The following WNK2 variants were observed in gnomAD, a reference collection of about 807,000 sequenced individuals.
WNK2 encodes the protein WNK lysine deficient protein kinase 2, also known as serine/threonine-protein kinase WNK2.
WNK2 carries 67 observed loss-of-function variants against 192.1 expected under a neutral mutation model. The observed-to-expected ratio is 0.35, with a 90% CI of 0.29 to 0.43. WNK2 has a LOEUF of 0.43. Among genes scored for constraint, WNK2 ranks in the 20% least tolerant of loss-of-function variants. The probability of loss-of-function intolerance (pLI) is 1.00; values close to 1 mark genes in which losing one functional copy is unlikely to be tolerated. For synonymous variants in WNK2, 1,439 were observed against 1,393.9 expected (o/e 1.03, Z -0.72); for missense variants, 2,698 against 3,089.7 (o/e 0.87, Z 3.01).
At chr9:93,273,601 G>T (rs909540271) in intron 19 of WNK2, among the ~76,000 whole-genome samples, 1 of 152,158 alleles carries the variant, frequency 6.6e-6, no homozygotes, top group Admixed American at 6.5e-5. Flanking sequence ...CAACACTCTC[G>T]ATAGATAGAA....
intron 29 of WNK2, chr9:93,317,864 C>T (rs1855010360): frequency 6.4e-7 from 1 of 1,556,116 alleles, no homozygotes; most frequent in East Asian, 2.3e-5. Context: ...CTGCCCTGTC[C>T]CTTGCCAGAT....
rs758962908 is a variant in WNK2, at chr9:93,320,412, C to G, written c.*20C>G. 1.7e-5 allele frequency: 23 copies of G among 1,367,680 alleles called. No homozygotes were observed. In the South Asian group the frequency reaches 2.6e-4, roughly 16 times the overall value. The allele number at this position is 1,367,680 out of a possible 1,614,324, so 84.7% of individuals were successfully genotyped here. On this transcript the variant is annotated 3_prime_UTR_variant, in exon 30 of 30. Coordinates refer to ENST00000427277, the MANE Select transcript of WNK2 (RefSeq NM_006648.4). ...GACTGACCCCGCCTAGACGCCAGGC[C>G]CACTTCACGCCGTCTAAGTGGAGAA...
chr9:93,209,563 T>A (rs1272595713), intron 2 of WNK2, among the ~76,000 whole-genome samples: 2 of 152,316 alleles, frequency 1.3e-5, no homozygotes, highest in Non-Finnish European at 2.9e-5. Flanking sequence ...TCTTACCACT[T>A]CAGAGGGGGT....
intron 14 of WNK2, 66 bp from the exon 15 acceptor site, chr9:93,263,500 T>G (rs1281778441): frequency 3.8e-6 from 6 of 1,567,924 alleles, no homozygotes; most frequent in Admixed American, 1.9e-5. Flanking sequence ...ATAAGCTGAC[T>G]TTCCCCGCCA....
Position 93,292,230 on chromosome 9 carries a change from C to A in WNK2, c.4937-78C>A. The A allele has an allele frequency of 2.7e-6, 4 of 1,507,880 alleles. No individual in the cohort carries two copies. The South Asian group carries it at 3.4e-5, about 13-fold the overall frequency. The allele number at this position is 1,507,880 out of a possible 1,614,324, so 93.4% of individuals were successfully genotyped here. A position where few individuals can be genotyped will look rare whatever the true frequency, so the allele number is the denominator to read the frequency against. ...GGCACTCCCATGGGATCACTTTGGG[C>A]TGCTTCGGGTCAGCTGTGAGCCATC... On this transcript the variant is annotated intron_variant, in intron 21 of 29. Transcript: ENST00000427277.
At chr9:93,262,957 G>T (rs1176058209) in intron 14 of WNK2, among the ~76,000 whole-genome samples, 4 of 152,224 alleles carry the variant, frequency 2.6e-5, no homozygotes, top group Non-Finnish European at 4.4e-5. Context: ...TCTCTGCTCT[G>T]GTTTGCAGTG....
chr9:93,299,021 G>A (rs755814830), intron 24 of WNK2, 49 bp from the exon 25 acceptor site: 17 of 1,565,526 alleles, frequency 1.1e-5, no homozygotes, highest in East Asian at 9.2e-5. Context: ...ACACGGCCCC[G>A]ACCCGGCGGC....
chr9:93,252,756 G>A, intron 8 of WNK2, 127 bp from the exon 9 acceptor site: 5 of 879,372 alleles, frequency 5.7e-6, no homozygotes, highest in Non-Finnish European at 6.4e-6. Flanking sequence ...AACAATATGT[G>A]CGGGTTATTT....
rs1199555056 is a variant in WNK2, at chr9:93,263,902, T to C, written c.3580-15T>C. On this transcript the variant is annotated splice_polypyrimidine_tract_variant and intron_variant, in intron 15 of 29. Coordinates refer to ENST00000427277, the MANE Select transcript of WNK2 (RefSeq NM_006648.4). ...TGGGTACGCCCGTGGTGGGTGCTGA[T>C]GCTGCCCCTTCCAGGTGTGCAACAC... The C allele has an allele frequency of 6.2e-7, 1 of 1,605,086 alleles. No individual in the cohort carries two copies. Among genetic ancestry groups the C allele is most frequent in the Non-Finnish European group, 8.5e-7 (1 of 1,176,312 alleles).
chr9:93,297,127 C>T (rs532146967), intron 23 of WNK2, among the ~76,000 whole-genome samples: 1 of 147,212 alleles, frequency 6.8e-6, no homozygotes, highest in East Asian at 2.1e-4. Context: ...CTCCCCTCGG[C>T]GTCCTCCCCT....
In WNK2 at chr9:93,292,855, T is replaced by A; in HGVS notation, c.5390T>A (p.Ile1797Asn). The change falls in exon 23 of 30, where the codon ATC becomes AAC. Residue 1797 changes from isoleucine (I) to asparagine (N), a missense_variant. Ile to Asn is a moderately radical substitution (Grantham distance 149). Around this residue, in one of 7 missense-constraint regions of WNK2, gnomAD observed 1,098 missense variants for 1,101.0 expected, o/e 1.00. Transcript: ENST00000427277. Reference protein sequence around the residue: ...AVRRAQTASSIEVGVGEPVSS... With the variant: ...AVRRAQTASSNEVGVGEPVSS... ...CGGCGGGCGCAGACGGCCTCCTCCA[T>A]CGAGGTCGGCGTGGGCGAGCCCGTG... 6.7e-7 allele frequency: 1 copy of A among 1,492,458 alleles called. No homozygotes were observed. Among genetic ancestry groups the A allele is most frequent in the Non-Finnish European group, 8.9e-7 (1 of 1,120,100 alleles). The allele number at this position is 1,492,458 out of a possible 1,614,324, so 92.5% of individuals were successfully genotyped here.
Position 93,267,584 on chromosome 9 carries a change from A to G in WNK2, c.3697-162A>G, listed in dbSNP as rs564225417. On this transcript the variant is annotated intron_variant, in intron 16 of 29. Coordinates refer to ENST00000427277, the MANE Select transcript of WNK2 (RefSeq NM_006648.4). ...CTCTCCTCCCATCCTGGGGCCATCC[A>G]TGTCACTTGCTGAGCTGTCCAGCCC... is the stretch of plus-strand genomic sequence containing the variant. 5.9e-5 allele frequency among the ~76,000 whole-genome samples: 9 copies of G among 152,270 alleles called. No homozygotes were observed. In the South Asian group the frequency reaches 6.2e-4, roughly 11 times the overall value.
rs375037453 is a variant in WNK2, at chr9:93,264,058, G to A, written c.3696+25G>A. ...GGTGAGGCTGGGTCTGGGTGGCTTG[G>A]CTCCCGGTGTTTCTTGGACACGTGT... On this transcript the variant is annotated intron_variant, in intron 16 of 29. Coordinates refer to ENST00000427277, the MANE Select transcript of WNK2 (RefSeq NM_006648.4). The A allele has an allele frequency of 2.6e-6, 4 of 1,563,522 alleles. No individual in the cohort carries two copies. The African/African-American group carries it at 5.4e-5, about 21-fold the overall frequency.
chr9:93,246,236 C>G, intron 7 of WNK2, among the ~76,000 whole-genome samples: 1 of 152,166 alleles, frequency 6.6e-6, no homozygotes. Flanking sequence ...TTTTGCACGT[C>G]CCTGTCACTC....
rs561316282 is a variant in WNK2, at chr9:93,318,807, G to T, written c.6628+1176G>T. On this transcript the variant is annotated intron_variant, in intron 29 of 29. Coordinates refer to ENST00000427277, the MANE Select transcript of WNK2 (RefSeq NM_006648.4). ...GAGATTTCAGTGGGACTCGTCCCCA[G>T]TGGGCACAACACAGCCCTTGGTGGG... is the stretch of plus-strand genomic sequence containing the variant. The T allele has an allele frequency of 3.5e-6, 5 of 1,411,500 alleles. No homozygotes were observed. In the South Asian group the frequency reaches 4.8e-5, roughly 14 times the overall value. The allele number at this position is 1,411,500 out of a possible 1,614,324, so 87.4% of individuals were successfully genotyped here.
At chr9:93,273,816 G>C (rs1023835621) in intron 19 of WNK2, among the ~76,000 whole-genome samples, 9 of 152,172 alleles carry the variant, frequency 5.9e-5, no homozygotes, top group African/African-American at 2.2e-4. Flanking sequence ...CTCCGATACA[G>C]TGTAATATAA....
At chr9:93,202,631 A>C (rs1446301038) in intron 2 of WNK2, among the ~76,000 whole-genome samples, 3 of 151,772 alleles carry the variant, frequency 2.0e-5, no homozygotes, top group Non-Finnish European at 4.4e-5. Context: ...TGGGGGAGGG[A>C]AAATTACATG....
At chr9:93,293,828 C>T (rs1849769080) in intron 23 of WNK2, among the ~76,000 whole-genome samples, 1 of 151,892 alleles carries the variant, frequency 6.6e-6, no homozygotes, top group Non-Finnish European at 1.5e-5. Flanking sequence ...CTTCCTTTCT[C>T]CTTCTCTCTC....
At chr9:93,187,092 C>T (rs1043473985) in intron 2 of WNK2, among the ~76,000 whole-genome samples, 1 of 152,256 alleles carries the variant, frequency 6.6e-6, no homozygotes, top group Admixed American at 6.5e-5. Flanking sequence ...ACCGGAGCAC[C>T]CTCAGGTGCT....
Sources: allele counts gnomAD v4.1 joint callset (sites outside exome capture counted in the v4.1 genomes callset), GRCh38; gene constraint gnomAD v4.1.1; regional missense constraint gnomAD v4.1.1; transcripts MANE v1.5; gene names NCBI Gene and HGNC (gene_info 2026-07-23, HGNC 2026-07-21).